Variants in GTF3C2 observed in about 807,000 individuals in gnomAD.
GTF3C2 encodes general transcription factor 3C polypeptide 2.
In GTF3C2, 17 loss-of-function variants were observed where a neutral mutation model predicts 117.4. The observed-to-expected ratio is 0.14, with a 90% CI of 0.10 to 0.22. The LOEUF (loss-of-function observed/expected upper bound fraction) is 0.22, where lower values mean the gene tolerates loss of function less well. GTF3C2 is among the 10% of genes least tolerant of loss of function. The pLI, the probability that GTF3C2 is intolerant of heterozygous loss-of-function variation, is 1.00. For missense variants in GTF3C2, 888 were observed against 1,143.6 expected, an observed-to-expected ratio of 0.78 and a Z score of 3.22; for synonymous variants, 437 against 427.0, an observed-to-expected ratio of 1.02 and a Z score of -0.29.
chr2:27,327,693 C>T (rs1401086054), intron 17 of GTF3C2, among the ~76,000 whole-genome samples: 1 of 143,428 alleles, frequency 7.0e-6, no homozygotes, highest in African/African-American at 2.6e-5. Flanking sequence ...AGTGGTGTGA[C>T]CTTGGCTCAC....
chr2:27,328,845 CA>C lies in GTF3C2; in HGVS notation c.2125del (p.Trp709GlyfsTer12). On this transcript the variant is annotated frameshift_variant and splice_region_variant, in exon 15 of 19. Transcript: ENST00000264720. LOFTEE classifies it high-confidence loss of function. Reference sequence around the variant, plus strand: ...ACTGCAAAAGAAAGGGGGGCTCACCCAAACGGTGCCTTTTCGAGGAGCAGTG... The same window carrying C: ...ACTGCAAAAGAAAGGGGGGCTCACCCAACGGTGCCTTTTCGAGGAGCAGTG... The C allele has an allele frequency of 6.2e-7, 1 of 1,609,222 alleles. No individual in the cohort carries two copies.
chr2:27,336,002 T>C (rs376923372), exon 9 of GTF3C2: 17 of 1,612,968 alleles, frequency 1.1e-5, no homozygotes, highest in Non-Finnish European at 1.2e-5. Context: ...AGCAATCCCA[T>C]AGACAAAGTG....
intron 4 of GTF3C2, chr2:27,338,312 C>T (rs10184546): frequency 0.02 from 7,773 of 380,332 alleles, 546 homozygotes; most frequent in African/African-American, 0.15. Flanking sequence ...GAAACTCCCG[C>T]CCTATGGAAT....
chr2:27,355,684 C>T (rs1681346001), intron 1 of GTF3C2, among the ~76,000 whole-genome samples: 1 of 152,104 alleles, frequency 6.6e-6, no homozygotes, highest in African/African-American at 2.4e-5. Flanking sequence ...TCCAGGATGC[C>T]AGCTTGACCT....
At chr2:27,332,892 T>G (rs1201702791) in intron 12 of GTF3C2, among the ~76,000 whole-genome samples, 1 of 151,532 alleles carries the variant, frequency 6.6e-6, no homozygotes, top group African/African-American at 2.4e-5. Context: ...ATTTTTGTAT[T>G]TTTAGTAGAG....
intron 1 of GTF3C2, among the ~76,000 whole-genome samples, chr2:27,352,841 C>T (rs1681181888): frequency 1.3e-5 from 2 of 152,156 alleles, no homozygotes; most frequent in South Asian, 4.1e-4. Context: ...TTCAAGTTGA[C>T]CTCTCAGCAG....
Position 27,328,938 on chromosome 2 carries a change from A to G in GTF3C2, c.2040-7T>C. 4.4e-6 allele frequency: 7 copies of G among 1,581,802 alleles called. No individual in the cohort carries two copies. The South Asian group carries it at 6.7e-5, about 15-fold the overall frequency. ...AATCCCACAGAGTCCATAACTGTTAAAAGAGAAATAAATTTAAACCTTCCT... is the reference window on the plus strand; with the variant it reads ...AATCCCACAGAGTCCATAACTGTTAGAAGAGAAATAAATTTAAACCTTCCT... On this transcript the variant is annotated splice_polypyrimidine_tract_variant and splice_region_variant and intron_variant, in intron 14 of 18. Coordinates refer to ENST00000264720, the Ensembl canonical transcript of GTF3C2.
Position 27,343,216 on chromosome 2 carries a change from T to C in GTF3C2, c.248-69A>G, listed in dbSNP as rs1680798197. 31 of 1,514,172 alleles carry C rather than the reference T, an allele frequency of 2.0e-5. No individual in the cohort carries two copies. In the South Asian group the frequency reaches 2.5e-4, roughly 12 times the overall value. The allele number at this position is 1,514,172 out of a possible 1,614,324, so 93.8% of individuals were successfully genotyped here. A position where few individuals can be genotyped will look rare whatever the true frequency, so the allele number is the denominator to read the frequency against. Reference sequence around the variant, plus strand: ...AACCTCTATGGAAAAGATTACACTGTACCCAGGTTTGTAAGATCCTATGAG... The same window carrying C: ...AACCTCTATGGAAAAGATTACACTGCACCCAGGTTTGTAAGATCCTATGAG... On this transcript the variant is annotated intron_variant, in intron 2 of 18. Transcript: ENST00000264720.
exon 19 of GTF3C2, chr2:27,326,051 G>A (rs778187398): frequency 2.7e-6 from 1 of 368,588 alleles, no homozygotes; most frequent in South Asian, 2.1e-5. Context: ...TGTTCAAGTA[G>A]GGTCAGATGA....
rs1262899347 is a variant in GTF3C2, at chr2:27,346,592, C to CA, written c.-24-3015dup. On this transcript the variant is annotated intron_variant, in intron 1 of 18. Coordinates refer to ENST00000264720, the Ensembl canonical transcript of GTF3C2. ...GAGTGCAGTGGCGTGATTACATACT[C>CA]AAACTCCTGGACTCAAGCAATTCTC... 3.3e-5 allele frequency among the ~76,000 whole-genome samples: 5 copies of CA among 151,914 alleles called. No individual in the cohort carries two copies. The East Asian group carries it at 9.7e-4, about 29-fold the overall frequency.
At chr2:27,343,866 C>G (rs915358396) in intron 1 of GTF3C2, among the ~76,000 whole-genome samples, 1 of 151,820 alleles carries the variant, frequency 6.6e-6, no homozygotes, top group African/African-American at 2.4e-5. Flanking sequence ...GGCAACACAG[C>G]AAGACCCCTT....
intron 1 of GTF3C2, among the ~76,000 whole-genome samples, chr2:27,344,631 G>A (rs534278768): frequency 1.3e-5 from 2 of 152,158 alleles, no homozygotes; most frequent in South Asian, 4.1e-4. Context: ...AAGTGAAGAG[G>A]CATACTTAAT....
chr2:27,337,803 A>G, intron 5 of GTF3C2, 123 bp downstream of exon 5: 1 of 733,526 alleles, frequency 1.4e-6, no homozygotes, highest in Non-Finnish European at 2.5e-6. Context: ...CTTTTTAGTA[A>G]TGAATGTCAT....
chr2:27,343,855 G>T (rs1311556357), intron 1 of GTF3C2, among the ~76,000 whole-genome samples: 1 of 151,558 alleles, frequency 6.6e-6, no homozygotes, highest in Non-Finnish European at 1.5e-5. Context: ...AGGCTAGCCT[G>T]GGCAACACAG....
chr2:27,355,410 C>T (rs1681303327), intron 1 of GTF3C2, among the ~76,000 whole-genome samples: 1 of 152,028 alleles, frequency 6.6e-6, no homozygotes, highest in Non-Finnish European at 1.5e-5. Flanking sequence ...ATTCCAGCTA[C>T]TCAGGAGGCT....
exon 2 of GTF3C2, chr2:27,343,394 G>A (rs1358311148): frequency 6.2e-7 from 1 of 1,613,856 alleles, no homozygotes; most frequent in South Asian, 1.1e-5. Flanking sequence ...CAAAGGGGTA[G>A]GTAATGACAT....
In GTF3C2 at chr2:27,329,859, G is replaced by A. The variant is rs186940455; in HGVS notation, c.1733-336C>T. Reference sequence around the variant, plus strand: ...GTCAAGGGACTTTTAAAAAGCATAGGTGGGGCACACGGTGGCTCATGCCTG... The same window carrying A: ...GTCAAGGGACTTTTAAAAAGCATAGATGGGGCACACGGTGGCTCATGCCTG... On this transcript the variant is annotated intron_variant, in intron 12 of 18. Transcript: ENST00000264720. This position sits in a 1 kb window ranked among gnomAD's most constrained non-coding sequence, Gnocchi z 4.5. 3.3e-5 allele frequency among the ~76,000 whole-genome samples: 5 copies of A among 152,242 alleles called. No individual in the cohort carries two copies. The highest frequency in any genetic ancestry group is 2.6e-4 in the Admixed American group (4 of 15,274).
At chr2:27,349,139 ATTTGATTT>A (rs1558623470) in intron 1 of GTF3C2, among the ~76,000 whole-genome samples, 16 of 126,290 alleles carry the variant, frequency 1.3e-4, no homozygotes, top group Admixed American at 1.7e-4. Context: ...GCCCAGCCTG[ATTTGATTT>A]TTTTTTTTTT....
chr2:27,329,619 C>A lies in GTF3C2; in HGVS notation c.1733-96G>T. On this transcript the variant is annotated intron_variant, in intron 12 of 18. Transcript: ENST00000264720. The surrounding 1 kb of genome is among the most constrained non-coding windows in gnomAD (Gnocchi z 4.5). The stretch of plus-strand genomic sequence containing the variant: ...GGCTCCTAGGACCTTTGTCTTCTAC[C>A]CTCAGATCCAAACCACTATGAAAGG... The A allele has an allele frequency of 8.5e-7, 1 of 1,178,732 alleles. No homozygotes were observed. The highest frequency in any genetic ancestry group is 2.0e-5 in the Admixed American group (1 of 49,312). 73.0% of individuals were successfully genotyped at this position (1,178,732 alleles called of 1,614,324 possible). A position where few individuals can be genotyped will look rare whatever the true frequency, so the allele number is the denominator to read the frequency against.
Sources: allele counts gnomAD v4.1 joint callset (sites outside exome capture counted in the v4.1 genomes callset), GRCh38; gene constraint gnomAD v4.1.1; non-coding constraint Gnocchi (gnomAD v3.1); transcripts MANE v1.5; gene names NCBI Gene and HGNC (gene_info 2026-07-23, HGNC 2026-07-21).